PLCL2: variants seen among roughly 807,000 people sequenced by gnomAD.
The protein encoded by PLCL2 is inactive phospholipase C-like protein 2.
In PLCL2, 4 loss-of-function variants were observed where a neutral mutation model predicts 79.6. The ratio of observed to expected loss-of-function variants is 0.05; its 90% CI spans 0.02 to 0.11. The LOEUF is 0.11. Among genes scored for constraint, PLCL2 ranks in the 10% least tolerant of loss-of-function variants. PLCL2 has a pLI of 1.00. For missense variants in PLCL2, 895 were observed against 1,291.0 expected (o/e 0.69, Z 4.70); for synonymous variants, 484 against 457.7 (o/e 1.06, Z -0.73).
intron 1 of PLCL2, among the ~76,000 whole-genome samples, chr3:16,931,655 G>T (rs1035419940): frequency 1.4e-4 from 21 of 152,198 alleles, no homozygotes; most frequent in Admixed American, 2.6e-4. Flanking sequence ...TTCCAGTTCG[G>T]TTGCTGCCAT....
chr3:17,004,700 T>C (rs533303898), intron 1 of PLCL2, among the ~76,000 whole-genome samples: 2 of 152,284 alleles, frequency 1.3e-5, no homozygotes, highest in African/African-American at 4.8e-5. Context: ...TTCTTTCAAT[T>C]CAGAGTTATT....
intron 5 of PLCL2, among the ~76,000 whole-genome samples, chr3:17,080,866 A>T (rs1046203910): frequency 6.6e-6 from 1 of 152,260 alleles, no homozygotes; most frequent in African/African-American, 2.4e-5. Flanking sequence ...GATGTGCTGG[A>T]TACATGAAAA....
chr3:16,945,761 C>G (rs1157374614), intron 1 of PLCL2, among the ~76,000 whole-genome samples: 1 of 152,186 alleles, frequency 6.6e-6, no homozygotes, highest in Admixed American at 6.5e-5. Flanking sequence ...CACTCTGTTT[C>G]CATTTCTTTC....
At chr3:17,042,988 A>G (rs752016199) in intron 4 of PLCL2, 39 bp downstream of exon 4, 2 of 1,281,846 alleles carry the variant, frequency 1.6e-6, no homozygotes, top group Non-Finnish European at 1.1e-6. Context: ...AATGAAATTA[A>G]TAGCATCATA....
intron 4 of PLCL2, among the ~76,000 whole-genome samples, chr3:17,043,289 C>T (rs2064745533): frequency 6.6e-6 from 1 of 152,148 alleles, no homozygotes; most frequent in Non-Finnish European, 1.5e-5. Flanking sequence ...CTGCTGGTCA[C>T]CCGTGACTCT....
At chr3:16,992,363 C>T (rs6772722) in intron 1 of PLCL2, among the ~76,000 whole-genome samples, 222 of 152,260 alleles carry the variant, frequency 1.5e-3, no homozygotes, top group African/African-American at 4.6e-3. Flanking sequence ...TTCTAACATC[C>T]GCCTTCTACC....
At chr3:16,934,890 A>G (rs1285041893) in intron 1 of PLCL2, among the ~76,000 whole-genome samples, 1 of 152,208 alleles carries the variant, frequency 6.6e-6, no homozygotes, top group Non-Finnish European at 1.5e-5. Context: ...TGCATTTAAC[A>G]TATTATTCTT....
chr3:16,950,838 A>AT (rs1013353116), intron 1 of PLCL2, among the ~76,000 whole-genome samples: 32 of 151,976 alleles, frequency 2.1e-4, no homozygotes, highest in Non-Finnish European at 4.1e-4. Context: ...ACCTTCATAG[A>AT]TTTTTTTCTC....
intron 1 of PLCL2, among the ~76,000 whole-genome samples, chr3:16,944,456 C>T (rs2063582419): frequency 6.6e-6 from 1 of 150,936 alleles, no homozygotes; most frequent in South Asian, 2.1e-4. Flanking sequence ...CCCTTAGTGC[C>T]TCAGACTGTA....
intron 3 of PLCL2, among the ~76,000 whole-genome samples, chr3:17,019,158 T>C (rs1470770832): frequency 1.3e-5 from 2 of 152,202 alleles, no homozygotes; most frequent in Non-Finnish European, 2.9e-5. Context: ...TGAGTTGGAA[T>C]TCAACTGGTA....
At chr3:16,952,360 CAAAAAAAAAA>C (rs35421244) in intron 1 of PLCL2, among the ~76,000 whole-genome samples, 6 of 22,616 alleles carry the variant, frequency 2.7e-4, no homozygotes, top group Admixed American at 1.7e-3. Context: ...GAACTTAAAG[CAAAAAAAAAA>C]AAAAAAAAAA....
chr3:17,075,599 G>GCAGTA (rs2065102333), intron 5 of PLCL2, among the ~76,000 whole-genome samples: 1 of 149,310 alleles, frequency 6.7e-6, no homozygotes, highest in South Asian at 2.1e-4. Context: ...AATAAAGTAT[G>GCAGTA]TCTGGAGTCA....
At chr3:16,925,176 G>A (rs1000426116) in intron 1 of PLCL2, among the ~76,000 whole-genome samples, 2 of 151,142 alleles carry the variant, frequency 1.3e-5, no homozygotes, top group Non-Finnish European at 2.9e-5. Context: ...GCCCACCTCA[G>A]CCTCCCAAAG....
At chr3:17,079,038 G>T (rs1229528753) in intron 5 of PLCL2, among the ~76,000 whole-genome samples, 2 of 151,494 alleles carry the variant, frequency 1.3e-5, no homozygotes, top group East Asian at 3.9e-4. Flanking sequence ...CCCCACTCAT[G>T]TGGAGTTTGT....
intron 3 of PLCL2, 151 bp from the exon 4 acceptor site, chr3:17,042,723 A>G (rs1257019100): frequency 9.7e-6 from 6 of 619,420 alleles, no homozygotes; most frequent in Admixed American, 5.2e-5. Context: ...TCATTTTCAC[A>G]TGCACATTTG....
chr3:17,074,603 T>C (rs1559540695), intron 5 of PLCL2, among the ~76,000 whole-genome samples: 1 of 152,260 alleles, frequency 6.6e-6, no homozygotes, highest in Non-Finnish European at 1.5e-5. Context: ...TGGCATCTTC[T>C]TTCAATAGAA....
At chr3:16,965,179 C>G (rs2063794537) in intron 1 of PLCL2, among the ~76,000 whole-genome samples, 1 of 152,174 alleles carries the variant, frequency 6.6e-6, no homozygotes, top group African/African-American at 2.4e-5. Flanking sequence ...TTTAATCCAT[C>G]TTGAATTAAT....
intron 1 of PLCL2, among the ~76,000 whole-genome samples, chr3:16,983,741 T>C (rs1214391226): frequency 1.3e-5 from 2 of 152,186 alleles, no homozygotes; most frequent in Admixed American, 1.3e-4. Flanking sequence ...CAATTTAAAG[T>C]CAGAAGACTT....
intron 1 of PLCL2, among the ~76,000 whole-genome samples, chr3:17,002,428 C>T (rs1032318248): frequency 3.9e-5 from 6 of 152,234 alleles, no homozygotes; most frequent in African/African-American, 1.2e-4. Context: ...AAATGGACAT[C>T]CTTGTCCTGT....
Sources: allele counts gnomAD v4.1 joint callset (sites outside exome capture counted in the v4.1 genomes callset), GRCh38; gene constraint gnomAD v4.1.1; transcripts MANE v1.5; gene names NCBI Gene and HGNC (gene_info 2026-07-23, HGNC 2026-07-21).